The following PLEKHA5 variants were observed in gnomAD, a reference collection of about 807,000 sequenced individuals.
The protein encoded by PLEKHA5 is pleckstrin homology domain containing A5, also known as pleckstrin homology domain-containing family A member 5.
Under a neutral mutation model 181.9 loss-of-function variants are expected in PLEKHA5, and 55 were observed. The ratio of observed to expected loss-of-function variants is 0.30; its 90% CI spans 0.24 to 0.38. The LOEUF (loss-of-function observed/expected upper bound fraction) is 0.38, where lower values mean the gene tolerates loss of function less well. Ranked by LOEUF, PLEKHA5 falls within the 10% of genes least tolerant of loss-of-function variation. The probability of loss-of-function intolerance (pLI) is 1.00; values close to 1 mark genes in which losing one functional copy is unlikely to be tolerated. For synonymous variants in PLEKHA5, 535 were observed against 529.4 expected (o/e 1.01, Z -0.15); for missense variants, 1,432 against 1,549.5 (o/e 0.92, Z 1.27).
chr12:19,293,479 A>G (rs1009179871), intron 15 of PLEKHA5, among the ~76,000 whole-genome samples: 3 of 152,328 alleles, frequency 2.0e-5, no homozygotes, highest in African/African-American at 7.2e-5. Context: ...CACTTTGTAT[A>G]TTATGCACTA....
chr12:19,247,186 C>T (rs901627331), intron 3 of PLEKHA5, among the ~76,000 whole-genome samples: 5 of 152,270 alleles, frequency 3.3e-5, no homozygotes, highest in South Asian at 2.1e-4. Context: ...CAGCTTCCCC[C>T]GTTTTCAGAG....
At chr12:19,195,366 T>A (rs1430346435) in intron 3 of PLEKHA5, among the ~76,000 whole-genome samples, 3 of 116,538 alleles carry the variant, frequency 2.6e-5, no homozygotes, top group Non-Finnish European at 5.7e-5. Flanking sequence ...ACAATTGATA[T>A]AGCACAAAAG....
chr12:19,298,195 T>C (rs1200534515), intron 15 of PLEKHA5, among the ~76,000 whole-genome samples: 1 of 151,216 alleles, frequency 6.6e-6, no homozygotes, highest in Non-Finnish European at 1.5e-5. Context: ...GGAGACACCA[T>C]CTCCAAAAAA....
chr12:19,255,884 G>GAAAAAAAA (rs60570882), intron 5 of PLEKHA5, among the ~76,000 whole-genome samples: 1 of 91,862 alleles, frequency 1.1e-5, no homozygotes. Flanking sequence ...TGGAAGATTT[G>GAAAAAAAA]AAAAAAAAAA....
In PLEKHA5 at chr12:19,132,348, G is replaced by A. The variant is rs368613177; in HGVS notation, c.170-45G>A. On this transcript the variant is annotated intron_variant, in intron 2 of 31. Transcript: ENST00000429027. ...ATTAAAATGGATTGAGACTTATTTT[G>A]CTATCATTGAAGTAATACTAATTGT... 3 of 893,058 alleles carry A rather than the reference G, an allele frequency of 3.4e-6. No individual in the cohort carries two copies. In the African/African-American group the frequency reaches 5.1e-5, roughly 15 times the overall value. 55.3% of individuals were successfully genotyped at this position (893,058 alleles called of 1,614,324 possible). A position where few individuals can be genotyped will look rare whatever the true frequency, so the allele number is the denominator to read the frequency against.
chr12:19,272,016 A>C (rs932582545), intron 10 of PLEKHA5, among the ~76,000 whole-genome samples: 4 of 152,322 alleles, frequency 2.6e-5, no homozygotes, highest in Admixed American at 2.0e-4. Context: ...TGTATGGCTC[A>C]AATACTTAAA....
At chr12:19,245,351 A>C (rs1334029797) in intron 3 of PLEKHA5, among the ~76,000 whole-genome samples, 2 of 152,152 alleles carry the variant, frequency 1.3e-5, no homozygotes, top group African/African-American at 4.8e-5. Flanking sequence ...TCGGCCACAG[A>C]CAAAGTTGTG....
chr12:19,346,455 C>T (rs1013858568), intron 23 of PLEKHA5, among the ~76,000 whole-genome samples: 1 of 151,742 alleles, frequency 6.6e-6, no homozygotes, highest in East Asian at 1.9e-4. Flanking sequence ...GCCTGGTAAA[C>T]ATAGCAAGAC....
At chr12:19,363,361 G>T (rs2095322929) in intron 29 of PLEKHA5, among the ~76,000 whole-genome samples, 1 of 151,610 alleles carries the variant, frequency 6.6e-6, no homozygotes, top group African/African-American at 2.4e-5. Context: ...GTAGAGACGG[G>T]GTTTCACCGT....
At chr12:19,132,283 A>C (rs2034151666) in intron 2 of PLEKHA5, 110 bp from the exon 3 acceptor site, 3 of 661,216 alleles carry the variant, frequency 4.5e-6, no homozygotes, top group Non-Finnish European at 7.9e-6. Context: ...TTTTGTTAGT[A>C]ATCTACTTAA....
At chr12:19,311,411 C>G (rs2152987523) in intron 15 of PLEKHA5, among the ~76,000 whole-genome samples, 1 of 151,088 alleles carries the variant, frequency 6.6e-6, no homozygotes, top group South Asian at 2.1e-4. Context: ...CCACTGCACT[C>G]CAGTCTGGGC....
intron 7 of PLEKHA5, 115 bp from the exon 8 acceptor site, chr12:19,265,635 A>G (rs2070102586): frequency 3.2e-6 from 2 of 632,970 alleles, no homozygotes; most frequent in Non-Finnish European, 5.7e-6. Flanking sequence ...CTGCCTGAAC[A>G]TGAATATAGT....
chr12:19,341,632 T>C (rs1480772995), intron 21 of PLEKHA5, among the ~76,000 whole-genome samples: 1 of 152,144 alleles, frequency 6.6e-6, no homozygotes, highest in Non-Finnish European at 1.5e-5. Context: ...GCAGCATTAA[T>C]TCATAGTCTT....
At chr12:19,332,188 C>T (rs1291435527) in intron 20 of PLEKHA5, among the ~76,000 whole-genome samples, 3 of 151,698 alleles carry the variant, frequency 2.0e-5, no homozygotes, top group South Asian at 2.1e-4. Flanking sequence ...GCAGGAGGAT[C>T]GCTTGAGCCC....
At position 19,269,968 on chromosome 12, in the gene PLEKHA5, TATCATTTTAATAGTCATGGTATGAA is replaced by T. The variant is rs1468854464; in HGVS notation, c.827+92_827+116del. The T allele has an allele frequency of 1.6e-5, 12 of 749,844 alleles. No individual in the cohort carries two copies. In the Admixed American group the frequency reaches 3.0e-4, roughly 19 times the overall value. The allele number at this position is 749,844 out of a possible 1,614,324, so 46.4% of individuals were successfully genotyped here. ...GCAAGTATTTCACTGTCATAGTACA[TATCATTTTAATAGTCATGGTATGAA>T]ATCATTTTTTCCTCAGAAAGCAAGG... On this transcript the variant is annotated intron_variant, in intron 9 of 31. Coordinates refer to ENST00000429027, the MANE Select transcript of PLEKHA5 (RefSeq NM_001256470.2).
intron 3 of PLEKHA5, among the ~76,000 whole-genome samples, chr12:19,196,917 T>G (rs1441159393): frequency 1.3e-5 from 2 of 151,788 alleles, no homozygotes. Context: ...TTGACCATGT[T>G]GACATAATTA....
intron 3 of PLEKHA5, among the ~76,000 whole-genome samples, chr12:19,134,744 TC>T (rs2035096374): frequency 6.6e-6 from 1 of 152,258 alleles, no homozygotes; most frequent in Non-Finnish European, 1.5e-5. Context: ...GAGTTACTAC[TC>T]CCATTGTCAC....
chr12:19,272,399 A>G (rs1389187023), intron 10 of PLEKHA5, among the ~76,000 whole-genome samples: 1 of 152,088 alleles, frequency 6.6e-6, no homozygotes, highest in Non-Finnish European at 1.5e-5. Context: ...TTCAATGATA[A>G]ATCTTGGGGA....
intron 3 of PLEKHA5, chr12:19,243,294 C>T (rs759485651): frequency 6.6e-6 from 1 of 152,292 alleles, no homozygotes; most frequent in Non-Finnish European, 1.5e-5. Context: ...CAGCTCAAGC[C>T]TTGGAGGCAC....
Sources: gnomAD v4.1 joint callset for allele counts (sites outside exome capture counted in the v4.1 genomes callset) on GRCh38, gnomAD v4.1.1 for gene constraint, MANE v1.5 for transcripts, NCBI Gene and HGNC (gene_info 2026-07-23, HGNC 2026-07-21) for gene names.